EP400: variants seen among roughly 807,000 people sequenced by gnomAD.
The protein encoded by EP400 is E1A-binding protein p400.
In EP400, 105 loss-of-function variants were observed where a neutral mutation model predicts 354.1. That is an observed-to-expected ratio of 0.30 (90% CI 0.25 to 0.35). The LOEUF is 0.35. EP400 is among the 10% of genes least tolerant of loss of function. The probability of loss-of-function intolerance (pLI) is 1.00; values close to 1 mark genes in which losing one functional copy is unlikely to be tolerated. For synonymous variants in EP400, 1,646 were observed against 1,716.9 expected, an observed-to-expected ratio of 0.96 and a Z score of 1.02; for missense variants, 3,280 against 4,121.0, an observed-to-expected ratio of 0.80 and a Z score of 5.59.
chr12:132,063,690 C>T (rs533815982), intron 47 of EP400, among the ~76,000 whole-genome samples: 2 of 152,232 alleles, frequency 1.3e-5, no homozygotes, highest in Admixed American at 6.5e-5. Flanking sequence ...AAGTGGGCTG[C>T]AGGAGACGCA....
chr12:132,056,392 T>C (rs1284723710), intron 45 of EP400, among the ~76,000 whole-genome samples: 3 of 150,840 alleles, frequency 2.0e-5, no homozygotes, highest in Non-Finnish European at 3.0e-5. Context: ...GGATAGAGAG[T>C]CCAGAAATAG....
intron 1 of EP400, among the ~76,000 whole-genome samples, chr12:131,953,253 G>A (rs1891579597): frequency 6.6e-6 from 1 of 152,124 alleles, no homozygotes; most frequent in African/African-American, 2.4e-5. Flanking sequence ...CGGGGCCGTG[G>A]AAAAATAAAG....
Position 131,968,137 on chromosome 12 carries a change from G to A in EP400, c.1335+6183G>A, listed in dbSNP as rs145549039. Among the ~76,000 whole-genome samples the A allele has an allele frequency of 7.1e-3, 1,082 of 151,806 alleles. 35 individuals are homozygous for A. In the South Asian group the frequency reaches 0.094, roughly 13 times the overall value. The stretch of plus-strand genomic sequence containing the variant: ...ACAATTTATCGTTTTTTTCTTTTAT[G>A]GATTTGCTTTTGATGCCATATCTAA... On this transcript the variant is annotated intron_variant, in intron 2 of 52. Coordinates refer to ENST00000389561, the MANE Select transcript of EP400 (RefSeq NM_015409.5).
chr12:132,020,503 G>A (rs772920537), intron 22 of EP400, among the ~76,000 whole-genome samples: 21 of 152,234 alleles, frequency 1.4e-4, no homozygotes, highest in Non-Finnish European at 1.5e-4. Flanking sequence ...ACAGAGGTGC[G>A]TGCGTGCAGT....
At chr12:131,987,982 A>AATT in intron 7 of EP400, 92 bp downstream of exon 7, 38 of 628,504 alleles carry the variant, frequency 6.0e-5, no homozygotes, top group Non-Finnish European at 7.5e-5. Context: ...CTCCAGACCC[A>AATT]CTTTTTTTTT....
chr12:132,037,979 T>A lies in EP400; in HGVS notation c.6090T>A (p.Val2030=). The A allele has an allele frequency of 6.2e-7, 1 of 1,614,230 alleles. No individual in the cohort carries two copies. The highest frequency in any genetic ancestry group is 8.5e-7 in the Non-Finnish European group (1 of 1,180,040). Reference sequence around the variant, plus strand: ...GAACCATCCAGGAGCTGTTTGAAGTTTATTCTCCCATGGATGATGCTGGCT... The same window carrying A: ...GAACCATCCAGGAGCTGTTTGAAGTATATTCTCCCATGGATGATGCTGGCT... ...TQRTIQELFE[V]YSPMDDAGFP... is the part of the protein sequence containing the mutation. Residue 2030 remains valine, a synonymous_variant, in exon 32 of 53, where the codon GTT becomes GTA. Transcript: ENST00000389561.
chr12:131,956,387 A>G (rs1370438854), intron 1 of EP400, among the ~76,000 whole-genome samples: 1 of 152,162 alleles, frequency 6.6e-6, no homozygotes, highest in Non-Finnish European at 1.5e-5. Context: ...TTTTCACTTA[A>G]TGTATCTGGA....
chr12:132,065,160 T>A, intron 48 of EP400: 1 of 580,476 alleles, frequency 1.7e-6, no homozygotes, highest in Non-Finnish European at 3.0e-6. Flanking sequence ...AGATGCAGCC[T>A]GCGTGGCTTC....
In EP400 at chr12:132,013,126, C is replaced by T. The variant is rs767209917; in HGVS notation, c.3559C>T (p.Arg1187Cys). The T allele has an allele frequency of 3.7e-6, 6 of 1,613,930 alleles. No homozygotes were observed. The East Asian group carries it at 6.7e-5, about 18-fold the overall frequency. ...GTGCCTGGTCATTGATGAGATGCAG[C>T]GCGTGAAGGGCATGACCGAGAGGCA... ...WKCLVIDEMQ[R>C]VKGMTERHWE... The change falls in exon 17 of 53, where the codon CGC (arginine) becomes TGC (cysteine). Residue 1187 changes from arginine to cysteine, a missense_variant. Physicochemically the swap from Arg to Cys is radical, Grantham distance 180. Coordinates refer to ENST00000389561, the MANE Select transcript of EP400 (RefSeq NM_015409.5). This position sits in a 1 kb window ranked among gnomAD's most constrained non-coding sequence, Gnocchi z 4.5.
chr12:132,075,659 A>G lies in EP400; in HGVS notation c.9022-857A>G, dbSNP rs1896211288. On this transcript the variant is annotated intron_variant, in intron 51 of 52. Coordinates refer to ENST00000389561, the MANE Select transcript of EP400 (RefSeq NM_015409.5). The surrounding 1 kb of genome is among the most constrained non-coding windows in gnomAD (Gnocchi z 4.5). ...CCTTCTGATTGATTTTAATTTTAGT[A>G]AGGACTAACATTTATTTCGACCTTT... is the stretch of plus-strand genomic sequence containing the variant. 1 of 152,204 alleles carries G rather than the reference A, an allele frequency of 6.6e-6. No individual in the cohort carries two copies. Among genetic ancestry groups the G allele is most frequent in the Non-Finnish European group, 1.5e-5 (1 of 68,028 alleles). The allele number at this position is 152,204 out of a possible 1,614,324, so 9.4% of individuals were successfully genotyped here.
intron 45 of EP400, among the ~76,000 whole-genome samples, chr12:132,058,650 T>C (rs1249353880): frequency 6.6e-6 from 1 of 152,122 alleles, no homozygotes; most frequent in Non-Finnish European, 1.5e-5. Context: ...GCGCCCAGCC[T>C]AGACTATGGA....
rs551995218 is a variant in EP400 at position 131,999,623 on chromosome 12, G to A, written c.2827+4667G>A. On this transcript the variant is annotated intron_variant, in intron 12 of 52. Coordinates refer to ENST00000389561, the MANE Select transcript of EP400 (RefSeq NM_015409.5). ...CTGGCTATTTTTTATATTTTTAGTA[G>A]AGATAGGGTTTTACCGTGTTGCCCA... Among the ~76,000 whole-genome samples, 6 of 152,118 alleles carry A rather than the reference G, an allele frequency of 3.9e-5. No homozygotes were observed. The East Asian group carries it at 1.2e-3, about 29-fold the overall frequency.
Position 132,029,802 on chromosome 12 carries a change from G to A in EP400, c.5483G>A (p.Gly1828Asp), listed in dbSNP as rs1894427350. Residue 1828 changes from glycine to aspartate, a missense_variant, in exon 28 of 53, where the codon GGC becomes GAC. Around this residue, in one of 20 missense-constraint regions of EP400, gnomAD observed 459 missense variants for 496.9 expected, o/e 0.92. Coordinates refer to ENST00000389561, the MANE Select transcript of EP400 (RefSeq NM_015409.5). The surrounding 1 kb of genome is among the most constrained non-coding windows in gnomAD (Gnocchi z 4.7). Reference sequence around the variant, plus strand: ...CACAGAATGAGGATCTTGAGGCAGGGCCTGAGAGAGCACGCTGCGCCGTAC... The same window carrying A: ...CACAGAATGAGGATCTTGAGGCAGGACCTGAGAGAGCACGCTGCGCCGTAC... ...YSHRMRILRQ[G>D]LREHAAPYFQ... The A allele has an allele frequency of 1.9e-6, 3 of 1,613,584 alleles. No homozygotes were observed. The highest frequency in any genetic ancestry group is 1.3e-5 in the African/African-American group (1 of 75,068).
rs761248550 is a variant in EP400, at chr12:132,044,691, C to T, written c.6606C>T (p.Val2202=). 2.7e-5 allele frequency: 44 copies of T among 1,614,164 alleles called. No individual in the cohort carries two copies. Among genetic ancestry groups the T allele is most frequent in the Non-Finnish European group, 3.6e-5 (43 of 1,180,042 alleles). The change falls in exon 36 of 53, where the codon GTC becomes GTT. Residue 2202 remains valine, a synonymous_variant. Coordinates refer to ENST00000389561, the MANE Select transcript of EP400 (RefSeq NM_015409.5). ...TACAGGAGTATGTCTACGAAGATGT[C>T]GATGGGCAGACAGAAGTCATGCCGG... is the stretch of plus-strand genomic sequence containing the variant. ...AYSMEYVYED[V]DGQTEVMPLW...
In EP400 at chr12:131,979,764, A is replaced by G. The variant is rs1424691946; in HGVS notation, c.1406A>G (p.Gln469Arg). ...GTAGAGACGGACCTGTTTAAGAGGC[A>G]GCAGGCGATGCCCTCCACAGGTATG... ...STVETDLFKR[Q>R]QAMPSTGMAE... The change falls in exon 3 of 53, where the codon CAG (glutamine) becomes CGG (arginine). Residue 469 changes from glutamine to arginine, a missense_variant. Transcript: ENST00000389561. 1 of 1,608,606 alleles carries G rather than the reference A, an allele frequency of 6.2e-7. No homozygotes were observed. The highest frequency in any genetic ancestry group is 1.7e-5 in the Admixed American group (1 of 59,308).
Position 131,980,733 on chromosome 12 carries a change from T to G in EP400, c.1436-756T>G, listed in dbSNP as rs569188359. ...GCTAAATGCAAAAATTGTTGCATTT[T>G]AGGTACAGTTGTGGTCCCACTATGT... On this transcript the variant is annotated intron_variant, in intron 3 of 52. Coordinates refer to ENST00000389561, the MANE Select transcript of EP400 (RefSeq NM_015409.5). Among the ~76,000 whole-genome samples the G allele has an allele frequency of 3.6e-4, 55 of 152,292 alleles. 1 individual carries two copies. Among genetic ancestry groups the G allele is most frequent in the African/African-American group, 1.3e-3 (54 of 41,564 alleles).
Position 132,020,113 on chromosome 12 carries a change from C to T in EP400, c.4342C>T (p.His1448Tyr), listed in dbSNP as rs774704783. ...TCGCACCGTGGCTTTCCCCAGCACT[C>T]ACCCGCCCCGGACGGCAGCCCCCAC... ...EGRTVAFPST[H>Y]PPRTAAPTTA... The change falls in exon 22 of 53, where the codon CAC (histidine) becomes TAC (tyrosine). Residue 1448 changes from histidine to tyrosine, a missense_variant. His to Tyr is a moderately conservative substitution (Grantham distance 83). This residue lies in a region of EP400 where 342 missense variants were observed against 342.7 expected (regional missense o/e 1.00). Coordinates refer to ENST00000389561, the MANE Select transcript of EP400 (RefSeq NM_015409.5). 6.2e-7 allele frequency: 1 copy of T among 1,610,264 alleles called. No homozygotes were observed. Among genetic ancestry groups the T allele is most frequent in the Non-Finnish European group, 8.5e-7 (1 of 1,178,434 alleles).
intron 5 of EP400, among the ~76,000 whole-genome samples, chr12:131,984,346 C>A (rs1183503709): frequency 6.6e-6 from 1 of 152,094 alleles, no homozygotes; most frequent in East Asian, 1.9e-4. Flanking sequence ...TGTTTATTTC[C>A]TTTACCTGAC....
rs1248754372 is a variant in EP400 at position 132,013,974 on chromosome 12, C to T, written c.3923+61C>T. 1 of 1,588,708 alleles carries T rather than the reference C, an allele frequency of 6.3e-7. No homozygotes were observed. Among genetic ancestry groups the T allele is most frequent in the Non-Finnish European group, 8.6e-7 (1 of 1,168,134 alleles). On this transcript the variant is annotated intron_variant, in intron 19 of 52. Transcript: ENST00000389561. The surrounding 1 kb of genome is among the most constrained non-coding windows in gnomAD (Gnocchi z 4.5). ...GTCCCTGCCTGTGAGGGAAAACGGC[C>T]CTTTCTGTGGCCTCAGCAGAAAGCT...
Sources: allele counts gnomAD v4.1 joint callset (sites outside exome capture counted in the v4.1 genomes callset), GRCh38; gene constraint gnomAD v4.1.1; regional missense constraint gnomAD v4.1.1; non-coding constraint Gnocchi (gnomAD v3.1); transcripts MANE v1.5; gene names NCBI Gene and HGNC (gene_info 2026-07-23, HGNC 2026-07-21).